CHD8: variants seen among roughly 807,000 people sequenced by gnomAD.
CHD8 encodes the protein ATP-dependent chromatin remodeler CHD8.
In CHD8, 31 loss-of-function variants were observed where a neutral mutation model predicts 279.2. The ratio of observed to expected loss-of-function variants is 0.11; its 90% CI spans 0.08 to 0.15. The LOEUF is 0.15. Among genes scored for constraint, CHD8 ranks in the 10% least tolerant of loss-of-function variants. The pLI is 1.00. For synonymous variants in CHD8, 1,081 were observed against 1,139.6 expected (o/e 0.95, Z 1.04); for missense variants, 2,146 against 3,230.5 (o/e 0.66, Z 8.14).
In CHD8 at chr14:21,403,806, A is replaced by T. The variant is rs1594345003; in HGVS notation, c.3308-143T>A. On this transcript the variant is annotated intron_variant, in intron 16 of 37. Coordinates refer to ENST00000646647, the MANE Select transcript of CHD8 (RefSeq NM_001170629.2). This position sits in a 1 kb window ranked among gnomAD's most constrained non-coding sequence, Gnocchi z 4.3. ...CACACACAGAATTTCAGCACAAAAAAGTCTTAAATCGGCTGGGTACGGTGG... is the reference window on the plus strand; with the variant it reads ...CACACACAGAATTTCAGCACAAAAATGTCTTAAATCGGCTGGGTACGGTGG... 1.3e-6 allele frequency: 1 copy of T among 780,666 alleles called. No individual in the cohort carries two copies. The highest frequency in any genetic ancestry group is 2.0e-6 in the Non-Finnish European group (1 of 489,750). 48.4% of individuals were successfully genotyped at this position (780,666 alleles called of 1,614,324 possible). A position where few individuals can be genotyped will look rare whatever the true frequency, so the allele number is the denominator to read the frequency against.
chr14:21,386,062 T>C lies in CHD8; in HGVS notation c.7297A>G (p.Met2433Val), dbSNP rs376775890. Reference sequence around the variant, plus strand: ...AGAGACCCAGTGCTTCCACCCTGCATGAGGGCCATCATCTTAGAAAGGTCT... The same window carrying C: ...AGAGACCCAGTGCTTCCACCCTGCACGAGGGCCATCATCTTAGAAAGGTCT... ...RPDLSKMMAL[M>V]QGGSTGSLSL... The change falls in exon 38 of 38, where the codon ATG becomes GTG. Residue 2433 changes from methionine to valine, a missense_variant. Coordinates refer to ENST00000646647, the MANE Select transcript of CHD8 (RefSeq NM_001170629.2). The C allele has an allele frequency of 2.7e-5, 43 of 1,588,642 alleles. No individual in the cohort carries two copies. The African/African-American group carries it at 5.4e-4, about 20-fold the overall frequency.
rs1887976908 is a variant in CHD8, at chr14:21,400,354, GAC to G, written c.4571-49_4571-48del. On this transcript the variant is annotated intron_variant, in intron 23 of 37. Transcript: ENST00000646647. The surrounding 1 kb of genome is among the most constrained non-coding windows in gnomAD (Gnocchi z 4.2). ...AGACTTGGATTGAGAAAAACCCTTG[GAC>G]CTGAAAAGGATTAGATTAACCTATA... 4.3e-6 allele frequency: 7 copies of G among 1,609,430 alleles called. No individual in the cohort carries two copies. In the South Asian group the frequency reaches 7.7e-5, roughly 18 times the overall value.
rs148142939 is a variant in CHD8 at position 21,418,452 on chromosome 14, G to A, written c.1717-2545C>T. On this transcript the variant is annotated intron_variant, in intron 5 of 37. Transcript: ENST00000646647. The stretch of plus-strand genomic sequence containing the variant: ...TGAGGATCACTTGAATGCAGGAGGC[G>A]GAGGTTGCAGTGAGCCAAGATCACG... 2.0e-3 allele frequency among the ~76,000 whole-genome samples: 306 copies of A among 152,038 alleles called. 1 individual carries two copies. Among genetic ancestry groups the A allele is most frequent in the African/African-American group, 6.9e-3 (286 of 41,482 alleles).
chr14:21,446,456 C>T (rs1890124173), intron 1 of CHD8, among the ~76,000 whole-genome samples: 1 of 151,992 alleles, frequency 6.6e-6, no homozygotes, highest in East Asian at 1.9e-4. Context: ...GGACAACAGG[C>T]ACACGCCACC....
Position 21,393,809 on chromosome 14 carries a change from G to A in CHD8, c.5986C>T (p.Pro1996Ser). Residue 1996 changes from proline (P) to serine (S), a missense_variant, in exon 32 of 38, where the codon CCA (proline) becomes TCA (serine). Coordinates refer to ENST00000646647, the MANE Select transcript of CHD8 (RefSeq NM_001170629.2). ...GGAGCATCTGGGCGCAGGGGCAGTG[G>A]TGAGGCAGTGCGTGAGGTATACTGC... ...HQQYTSRTAS[P>S]LPLRPDAPVE... 6.2e-7 allele frequency: 1 copy of A among 1,614,000 alleles called. No individual in the cohort carries two copies. The highest frequency in any genetic ancestry group is 1.1e-5 in the South Asian group (1 of 91,084).
Position 21,456,026 on chromosome 14 carries a change from G to C in CHD8, c.-216+6C>G, listed in dbSNP as rs969285055. The C allele has an allele frequency of 1.3e-5, 2 of 152,444 alleles. No homozygotes were observed. Among genetic ancestry groups the C allele is most frequent in the East Asian group, 1.9e-4 (1 of 5,196 alleles). The allele number at this position is 152,444 out of a possible 1,614,324, so 9.4% of individuals were successfully genotyped here. On this transcript the variant is annotated splice_donor_region_variant and intron_variant, in intron 1 of 37. Coordinates refer to ENST00000646647, the MANE Select transcript of CHD8 (RefSeq NM_001170629.2). ...ACTGAGGAGCGGGTGCGAGCGGGAA[G>C]CCTACCTGTGCAAGTCCTGGTACTT...
chr14:21,426,433 C>A (rs2139527714), intron 4 of CHD8, 191 bp from the exon 5 acceptor site: 2 of 562,670 alleles, frequency 3.6e-6, no homozygotes, highest in Middle Eastern at 4.7e-4. Context: ...AAACCACTGA[C>A]TGACCCTTAT....
In CHD8 at chr14:21,393,540, G is replaced by GGAAGAA; in HGVS notation, c.6249_6254dup (p.Ser2093_Ser2094dup). 5 of 1,604,710 alleles carry GGAAGAA rather than the reference G, an allele frequency of 3.1e-6. No individual in the cohort carries two copies. The highest frequency in any genetic ancestry group is 4.3e-6 in the Non-Finnish European group (5 of 1,175,442). On this transcript the variant is annotated inframe_insertion, in exon 32 of 38. Coordinates refer to ENST00000646647, the MANE Select transcript of CHD8 (RefSeq NM_001170629.2). ...TGGAGCTGGAGCTGGATGAGGATGAGGAAGAAGAAGAAGATGGTGACAGCT... is the reference window on the plus strand; with the variant it reads ...TGGAGCTGGAGCTGGATGAGGATGAGGAAGAAGAAGAAGAAGAAGATGGTGACAGCT...
intron 1 of CHD8, among the ~76,000 whole-genome samples, chr14:21,438,613 C>G (rs1263994353): frequency 6.6e-6 from 1 of 151,222 alleles, no homozygotes; most frequent in Non-Finnish European, 1.5e-5. Flanking sequence ...GGCGGGCAGA[C>G]CACAAGGTCA....
At chr14:21,428,757 T>G (rs573908513) in intron 3 of CHD8, among the ~76,000 whole-genome samples, 1 of 152,314 alleles carries the variant, frequency 6.6e-6, no homozygotes, top group Non-Finnish European at 1.5e-5. Context: ...AATAATCTCA[T>G]ATCCCAAACC....
At chr14:21,425,524 C>G (rs998830950) in intron 5 of CHD8, 1 of 151,860 alleles carries the variant, frequency 6.6e-6, no homozygotes, top group African/African-American at 2.4e-5. Flanking sequence ...GGGGTTTCAC[C>G]ACGTTGACCG....
Position 21,391,146 on chromosome 14 carries a change from A to T in CHD8, c.7066-83T>A, listed in dbSNP as rs1594326486. ...TTAAAGTACTAGTGTCTTTTGTTTG[A>T]TAATAAACACTTATTACATAGATAA... is the stretch of plus-strand genomic sequence containing the variant. On this transcript the variant is annotated intron_variant, in intron 36 of 37. Coordinates refer to ENST00000646647, the MANE Select transcript of CHD8 (RefSeq NM_001170629.2). 17 of 921,912 alleles carry T rather than the reference A, an allele frequency of 1.8e-5. No individual in the cohort carries two copies. In the East Asian group the frequency reaches 4.5e-4, roughly 24 times the overall value. 57.1% of individuals were successfully genotyped at this position (921,912 alleles called of 1,614,324 possible). A position where few individuals can be genotyped will look rare whatever the true frequency, so the allele number is the denominator to read the frequency against.
intron 5 of CHD8, among the ~76,000 whole-genome samples, chr14:21,420,356 C>T (rs1228408387): frequency 1.3e-5 from 2 of 152,188 alleles, no homozygotes; most frequent in Non-Finnish European, 1.5e-5. Context: ...AGCTCCCCTC[C>T]CCCTCCTTCC....
intron 37 of CHD8, 139 bp from the exon 38 acceptor site, chr14:21,386,315 G>C (rs1423480871): frequency 2.7e-6 from 2 of 730,704 alleles, no homozygotes; most frequent in South Asian, 2.0e-5. Context: ...AGCGATACTA[G>C]GCTTGATTGG....
At chr14:21,441,131 T>C (rs1594389654) in intron 1 of CHD8, among the ~76,000 whole-genome samples, 2 of 152,048 alleles carry the variant, frequency 1.3e-5, no homozygotes. Context: ...TTTGCAGGAG[T>C]AATGCAAAGA....
At chr14:21,443,597 G>C (rs1890038990) in intron 1 of CHD8, among the ~76,000 whole-genome samples, 1 of 151,794 alleles carries the variant, frequency 6.6e-6, no homozygotes, top group Non-Finnish European at 1.5e-5. Context: ...GCTCACACCT[G>C]TAATCCCAGC....
Position 21,400,904 on chromosome 14 carries a change from A to T in CHD8, c.4341T>A (p.Phe1447Leu). The T allele has an allele frequency of 6.2e-7, 1 of 1,612,938 alleles. No individual in the cohort carries two copies. The highest frequency in any genetic ancestry group is 8.5e-7 in the Non-Finnish European group (1 of 1,179,428). ...RHHAYGRTDC[F>L]RVEKHLLVYG... Reference sequence around the variant, plus strand: ...ATACCAGGAGATGCTTTTCCACCCGAAAGCAGTCAGTGCGCCCATAGGCAT... The same window carrying T: ...ATACCAGGAGATGCTTTTCCACCCGTAAGCAGTCAGTGCGCCCATAGGCAT... The change falls in exon 22 of 38, where the codon TTT becomes TTA. Residue 1447 changes from phenylalanine (F) to leucine (L), a missense_variant. By Grantham distance (22) the Phe-to-Leu change is conservative. Coordinates refer to ENST00000646647, the MANE Select transcript of CHD8 (RefSeq NM_001170629.2). The surrounding 1 kb of genome is among the most constrained non-coding windows in gnomAD (Gnocchi z 4.2).
chr14:21,403,817 G>T lies in CHD8; in HGVS notation c.3308-154C>A, dbSNP rs1343240671. Among the ~76,000 whole-genome samples the T allele has an allele frequency of 1.3e-5, 2 of 152,128 alleles. No homozygotes were observed. Among genetic ancestry groups the T allele is most frequent in the African/African-American group, 4.8e-5 (2 of 41,438 alleles). ...TTTCAGCACAAAAAAGTCTTAAATCGGCTGGGTACGGTGGCTCATGCCTGT... is the reference window on the plus strand; with the variant it reads ...TTTCAGCACAAAAAAGTCTTAAATCTGCTGGGTACGGTGGCTCATGCCTGT... On this transcript the variant is annotated intron_variant, in intron 16 of 37. Transcript: ENST00000646647. The surrounding 1 kb of genome is among the most constrained non-coding windows in gnomAD (Gnocchi z 4.3).
At position 21,431,499 on chromosome 14, in the gene CHD8, T is replaced by C. The variant is rs181830482; in HGVS notation, c.145A>G (p.Met49Val). 854 of 1,537,224 alleles carry C rather than the reference T, an allele frequency of 5.6e-4. 7 individuals are homozygous for C. In the African/African-American group the frequency reaches 9.9e-3, roughly 18 times the overall value. Residue 49 changes from methionine to valine, a missense_variant, in exon 2 of 38, where the codon ATG (methionine) becomes GTG (valine). By Grantham distance (21) the Met-to-Val change is conservative. Transcript: ENST00000646647. ...TCACCACCTCCACCATCCTGGTTCA[T>C]CTGATCCAAGGAGTCCAGAGAGCTT... is the stretch of plus-strand genomic sequence containing the variant. ...LPSSLDSLDQ[M>V]NQDGGGGDVG...
Sources: allele counts gnomAD v4.1 joint callset (sites outside exome capture counted in the v4.1 genomes callset), GRCh38; gene constraint gnomAD v4.1.1; non-coding constraint Gnocchi (gnomAD v3.1); transcripts MANE v1.5; gene names NCBI Gene and HGNC (gene_info 2026-07-23, HGNC 2026-07-21).